Variants in BTBD7 observed in about 807,000 individuals in gnomAD.
The protein encoded by BTBD7 is BTB/POZ domain-containing protein 7.
Under a neutral mutation model 99.9 loss-of-function variants are expected in BTBD7, and 38 were observed. The observed-to-expected ratio is 0.38, with a 90% CI of 0.29 to 0.50. BTBD7 has a LOEUF of 0.50. BTBD7 is among the 20% of genes least tolerant of loss of function. BTBD7 has a pLI of 0.93. For missense variants in BTBD7, 1,170 were observed against 1,394.6 expected (o/e 0.84, Z 2.57); for synonymous variants, 520 against 511.4 (o/e 1.02, Z -0.23).
intron 1 of BTBD7, among the ~76,000 whole-genome samples, chr14:93,320,757 A>G (rs2139821885): frequency 6.7e-6 from 1 of 149,896 alleles, no homozygotes; most frequent in East Asian, 1.9e-4. Flanking sequence ...TTTTTTTTTG[A>G]GGTAACAGTC....
chr14:93,308,868 G>C (rs1201239860), intron 1 of BTBD7, among the ~76,000 whole-genome samples: 1 of 152,200 alleles, frequency 6.6e-6, no homozygotes, highest in African/African-American at 2.4e-5. Flanking sequence ...TAAGCACAAA[G>C]TTTCAGTTGT....
chr14:93,311,740 TTTTAA>T (rs2053140173), intron 1 of BTBD7, among the ~76,000 whole-genome samples: 1 of 129,866 alleles, frequency 7.7e-6, no homozygotes, highest in African/African-American at 3.2e-5. Flanking sequence ...ATGAAAATAT[TTTTAA>T]TTTTTTTTTT....
chr14:93,260,860 T>C lies in BTBD7; in HGVS notation c.1447+742A>G, dbSNP rs537686800. The stretch of plus-strand genomic sequence containing the variant: ...GAGCCACTGCACCCAGCCTACTTTC[T>C]ACAACATTTAAAAATAAACAATGAA... On this transcript the variant is annotated intron_variant, in intron 5 of 10. Transcript: ENST00000334746. 1.4e-4 allele frequency among the ~76,000 whole-genome samples: 21 copies of C among 152,222 alleles called. No individual in the cohort carries two copies. In the South Asian group the frequency reaches 3.7e-3, roughly 27 times the overall value.
intron 3 of BTBD7, among the ~76,000 whole-genome samples, chr14:93,284,828 A>T (rs778893970): frequency 2.2e-4 from 34 of 152,150 alleles, no homozygotes; most frequent in Non-Finnish European, 3.8e-4. Context: ...TTAATGATCA[A>T]AGGCAAAATA....
At position 93,330,590 on chromosome 14, in the gene BTBD7, G is replaced by A. The variant is rs542109632; in HGVS notation, c.-107+2230C>T. Among the ~76,000 whole-genome samples the A allele has an allele frequency of 2.4e-3, 363 of 152,200 alleles. 1 individual carries two copies. The highest frequency in any genetic ancestry group is 8.4e-3 in the African/African-American group (349 of 41,502). On this transcript the variant is annotated intron_variant, in intron 1 of 10. Transcript: ENST00000334746. ...CTGATCTTTCCAATAAGAACTTGAG[G>A]GAAAAGTCTATATGTTAATGGCAAA...
At chr14:93,301,186 C>T (rs145896644) in intron 1 of BTBD7, among the ~76,000 whole-genome samples, 67 of 151,708 alleles carry the variant, frequency 4.4e-4, no homozygotes, top group African/African-American at 1.5e-3. Context: ...GAGACTCTGT[C>T]TTTCCAAATT....
At position 93,248,457 on chromosome 14, in the gene BTBD7, G is replaced by T; in HGVS notation, c.2121+19C>A. On this transcript the variant is annotated intron_variant, in intron 9 of 10. Transcript: ENST00000334746. ...TGACTGAGGCTCCCTATTTTAAACA[G>T]TTTAATGTCATTTCCTACCTGCAAC... The T allele has an allele frequency of 6.2e-7, 1 of 1,612,438 alleles. No individual in the cohort carries two copies. The highest frequency in any genetic ancestry group is 8.5e-7 in the Non-Finnish European group (1 of 1,179,340).
In BTBD7 at chr14:93,285,036, C is replaced by G. The variant is rs140760621; in HGVS notation, c.1162+8822G>C. ...ATGTTTGAAACCTGCATTTACTACT[C>G]TGATCTGTTGATAATGGTCTTTAGC... On this transcript the variant is annotated intron_variant, in intron 3 of 10. Transcript: ENST00000334746. Among the ~76,000 whole-genome samples, 242 of 152,250 alleles carry G rather than the reference C, an allele frequency of 1.6e-3. 2 individuals are homozygous for G. Among genetic ancestry groups the G allele is most frequent in the African/African-American group, 5.3e-3 (221 of 41,542 alleles).
Position 93,264,754 on chromosome 14 carries a change from A to T in BTBD7, c.1163-761T>A, listed in dbSNP as rs1261172280. 2.0e-5 allele frequency among the ~76,000 whole-genome samples: 3 copies of T among 152,306 alleles called. No individual in the cohort carries two copies. In the South Asian group the frequency reaches 6.2e-4, roughly 32 times the overall value. Reference sequence around the variant, plus strand: ...TTTTTCATTAAGCTTACTATAAAACAAAAAACAATCCTGATAATGTGAAAA... The same window carrying T: ...TTTTTCATTAAGCTTACTATAAAACTAAAAACAATCCTGATAATGTGAAAA... On this transcript the variant is annotated intron_variant, in intron 3 of 10. Coordinates refer to ENST00000334746, the MANE Select transcript of BTBD7 (RefSeq NM_001002860.4).
rs564766420 is a variant in BTBD7 at position 93,299,215 on chromosome 14, C to T, written c.-106-3058G>A. ...AACCCTGACTACAGTTCTAGTACTA[C>T]AGCAATATTTCTTCTCAAAATCCTC... On this transcript the variant is annotated intron_variant, in intron 1 of 10. Coordinates refer to ENST00000334746, the MANE Select transcript of BTBD7 (RefSeq NM_001002860.4). 1.2e-4 allele frequency among the ~76,000 whole-genome samples: 18 copies of T among 152,312 alleles called. 1 individual carries two copies. The highest frequency in any genetic ancestry group is 3.4e-4 in the African/African-American group (14 of 41,556).
At chr14:93,330,308 T>C (rs1214343332) in intron 1 of BTBD7, among the ~76,000 whole-genome samples, 1 of 152,202 alleles carries the variant, frequency 6.6e-6, no homozygotes, top group Non-Finnish European at 1.5e-5. Flanking sequence ...GGAAATTCAG[T>C]TGTCAGCTCA....
intron 1 of BTBD7, among the ~76,000 whole-genome samples, chr14:93,323,698 C>T (rs1048255448): frequency 1.3e-5 from 2 of 152,148 alleles, no homozygotes; most frequent in African/African-American, 4.8e-5. Flanking sequence ...TAGTTTTTAT[C>T]TAAATGAAAA....
At chr14:93,255,122 A>G (rs1261394916) in intron 6 of BTBD7, among the ~76,000 whole-genome samples, 3 of 152,140 alleles carry the variant, frequency 2.0e-5, no homozygotes, top group African/African-American at 7.2e-5. Context: ...TAATGTTGAT[A>G]TATTTCCTTC....
chr14:93,315,875 G>C (rs1252772338), intron 1 of BTBD7, among the ~76,000 whole-genome samples: 1 of 151,350 alleles, frequency 6.6e-6, no homozygotes, highest in Admixed American at 6.6e-5. Flanking sequence ...GAATAATGCT[G>C]TTACAAACAT....
At chr14:93,304,377 A>G (rs1458140894) in intron 1 of BTBD7, among the ~76,000 whole-genome samples, 2 of 152,220 alleles carry the variant, frequency 1.3e-5, no homozygotes, top group African/African-American at 4.8e-5. Context: ...TTTGAGACGG[A>G]GTCTCGTGCT....
chr14:93,290,420 G>A (rs2052835416), intron 3 of BTBD7, among the ~76,000 whole-genome samples: 1 of 149,202 alleles, frequency 6.7e-6, no homozygotes, highest in Admixed American at 6.7e-5. Context: ...CACCCTGTTA[G>A]CCAGGATGGT....
At chr14:93,298,989 T>A (rs559592514) in intron 1 of BTBD7, among the ~76,000 whole-genome samples, 55 of 152,194 alleles carry the variant, frequency 3.6e-4, no homozygotes, top group Admixed American at 3.2e-3. Flanking sequence ...TTAGGGAAAA[T>A]CTCTTCCTGG....
At chr14:93,322,751 C>T (rs911380795) in intron 1 of BTBD7, among the ~76,000 whole-genome samples, 1 of 152,144 alleles carries the variant, frequency 6.6e-6, no homozygotes, top group Admixed American at 6.5e-5. Context: ...TACATCCTTT[C>T]AGAATCATCC....
Position 93,242,996 on chromosome 14 carries a change from A to G in BTBD7, c.2676T>C (p.Ala892=). 6.2e-7 allele frequency: 1 copy of G among 1,614,134 alleles called. No homozygotes were observed. The highest frequency in any genetic ancestry group is 8.5e-7 in the Non-Finnish European group (1 of 1,180,034). ...SLKDRRLPEL[A]VDTELSQSVS... ...CTGACTGGCTTAATTCTGTGTCTACAGCAAGCTCTGGAAGCCTCCTGTCCT... is the reference window on the plus strand; with the variant it reads ...CTGACTGGCTTAATTCTGTGTCTACGGCAAGCTCTGGAAGCCTCCTGTCCT... The change falls in exon 11 of 11, where the codon GCT becomes GCC. Residue 892 remains alanine (A), a synonymous_variant. Coordinates refer to ENST00000334746, the MANE Select transcript of BTBD7 (RefSeq NM_001002860.4).
Sources: gnomAD v4.1 joint callset for allele counts (sites outside exome capture counted in the v4.1 genomes callset) on GRCh38, gnomAD v4.1.1 for gene constraint, MANE v1.5 for transcripts, NCBI Gene and HGNC (gene_info 2026-07-23, HGNC 2026-07-21) for gene names.